The following SNAP91 variants were observed in gnomAD, a reference collection of about 807,000 sequenced individuals.
SNAP91 encodes the protein synaptosome associated protein 91, also known as clathrin coat assembly protein AP180.
SNAP91 carries 27 observed loss-of-function variants against 100.3 expected under a neutral mutation model. The ratio of observed to expected loss-of-function variants is 0.27; its 90% confidence interval spans 0.20 to 0.37. The LOEUF (loss-of-function observed/expected upper bound fraction) is 0.37. Ranked by LOEUF, SNAP91 falls within the 10% of genes least tolerant of loss-of-function variation. The pLI, the probability that SNAP91 is intolerant of heterozygous loss-of-function variation, is 1.00. For missense variants in SNAP91, 986 were observed against 1,123.7 expected, an observed-to-expected ratio of 0.88 and a Z score of 1.75; for synonymous variants, 404 against 398.6, an observed-to-expected ratio of 1.01 and a Z score of -0.16.
At chr6:83,555,667 A>G (rs1293508570) in intron 29 of SNAP91, among the ~76,000 whole-genome samples, 1 of 152,216 alleles carries the variant, frequency 6.6e-6, no homozygotes, top group Non-Finnish European at 1.5e-5. Flanking sequence ...AGAACATTAG[A>G]AATTTAAAAC....
chr6:83,619,459 C>T (rs2096626626), intron 9 of SNAP91, among the ~76,000 whole-genome samples: 2 of 152,170 alleles, frequency 1.3e-5, no homozygotes, highest in Non-Finnish European at 2.9e-5. Flanking sequence ...GAGAATGCCT[C>T]TGCTGTTGTA....
At chr6:83,620,421 AC>A (rs945292063) in intron 9 of SNAP91, among the ~76,000 whole-genome samples, 2 of 152,196 alleles carry the variant, frequency 1.3e-5, no homozygotes, top group African/African-American at 4.8e-5. Flanking sequence ...GGTACTTCGG[AC>A]CCATCTGCAG....
At chr6:83,626,246 G>A (rs1271821217) in intron 8 of SNAP91, among the ~76,000 whole-genome samples, 1 of 152,076 alleles carries the variant, frequency 6.6e-6, no homozygotes, top group Non-Finnish European at 1.5e-5. Context: ...GTATCATGCT[G>A]TTTTGGTTAC....
intron 22 of SNAP91, among the ~76,000 whole-genome samples, chr6:83,586,873 G>T (rs1243462353): frequency 7.1e-6 from 1 of 140,694 alleles, no homozygotes; most frequent in Non-Finnish European, 1.5e-5. Flanking sequence ...TGGCCTCTTT[G>T]GAAGTTGTCC....
intron 7 of SNAP91, among the ~76,000 whole-genome samples, chr6:83,653,476 A>G (rs2098284362): frequency 6.6e-6 from 1 of 152,074 alleles, no homozygotes; most frequent in African/African-American, 2.4e-5. Flanking sequence ...GTTCTTTTTT[A>G]GGATTTCCAT....
In SNAP91 at chr6:83,593,480, C is replaced by G. The variant is rs1299227276; in HGVS notation, c.1694G>C (p.Gly565Ala). 6.4e-7 allele frequency: 1 copy of G among 1,550,396 alleles called. No individual in the cohort carries two copies. The highest frequency in any genetic ancestry group is 2.0e-5 in the Admixed American group (1 of 50,974). Reference protein sequence around the residue: ...TTAPPALDIFGDLFESTPEVA... With the variant: ...TTAPPALDIFADLFESTPEVA... ...CGACAACAATAACAAAAAATTACCA[C>G]CAAAGATATCTAGAGCAGGAGGAGC... Residue 565 changes from glycine (G) to alanine (A), a missense_variant and splice_region_variant, in exon 18 of 30, where the codon GGT becomes GCT. Around this residue, in one of 4 missense-constraint regions of SNAP91, gnomAD observed 575 missense variants for 579.9 expected, o/e 0.99. Transcript: ENST00000369694.
intron 7 of SNAP91, among the ~76,000 whole-genome samples, chr6:83,647,569 T>A (rs543789662): frequency 1.3e-5 from 2 of 152,292 alleles, no homozygotes; most frequent in South Asian, 4.1e-4. Flanking sequence ...TTTTATACAT[T>A]GTTGGATTTA....
At chr6:83,612,004 A>G (rs1388400732) in intron 11 of SNAP91, among the ~76,000 whole-genome samples, 1 of 150,972 alleles carries the variant, frequency 6.6e-6, no homozygotes, top group African/African-American at 2.4e-5. Context: ...TACAGGCATG[A>G]GCCACCGCGC....
At chr6:83,570,826 G>A (rs1806029102) in intron 26 of SNAP91, among the ~76,000 whole-genome samples, 2 of 152,206 alleles carry the variant, frequency 1.3e-5, no homozygotes, top group Non-Finnish European at 2.9e-5. Flanking sequence ...GAAGTTTGCT[G>A]CAGGGGCAGG....
intron 10 of SNAP91, among the ~76,000 whole-genome samples, chr6:83,616,025 G>T (rs1037150464): frequency 6.6e-6 from 1 of 152,134 alleles, no homozygotes; most frequent in African/African-American, 2.4e-5. Context: ...CCCTGTAGAG[G>T]ACATACATTA....
At chr6:83,702,450 T>C (rs1428938695) in intron 2 of SNAP91, among the ~76,000 whole-genome samples, 4 of 152,156 alleles carry the variant, frequency 2.6e-5, no homozygotes, top group African/African-American at 7.2e-5. Flanking sequence ...AGTACACAGA[T>C]TAAATTACAA....
At chr6:83,698,578 A>T (rs2099252537) in intron 2 of SNAP91, among the ~76,000 whole-genome samples, 1 of 152,172 alleles carries the variant, frequency 6.6e-6, no homozygotes, top group Admixed American at 6.5e-5. Flanking sequence ...AAAACAAAAA[A>T]GAATACCTCT....
intron 22 of SNAP91, among the ~76,000 whole-genome samples, chr6:83,586,386 T>C (rs535935356): frequency 1.8e-4 from 27 of 152,340 alleles, no homozygotes; most frequent in Non-Finnish European, 3.7e-4. Flanking sequence ...TATAGTCCCT[T>C]GTCTTTGCAA....
intron 11 of SNAP91, among the ~76,000 whole-genome samples, chr6:83,611,172 G>A (rs540342262): frequency 1.6e-4 from 24 of 151,914 alleles, no homozygotes; most frequent in African/African-American, 4.3e-4. Flanking sequence ...AATATGTCTC[G>A]GCTTCCATAT....
chr6:83,650,507 C>T (rs532017335), intron 7 of SNAP91, among the ~76,000 whole-genome samples: 15 of 152,298 alleles, frequency 9.8e-5, no homozygotes, highest in African/African-American at 3.6e-4. Flanking sequence ...CAACCTCCAC[C>T]TCCTGGTTCA....
intron 2 of SNAP91, among the ~76,000 whole-genome samples, chr6:83,697,166 C>T (rs573256330): frequency 1.2e-4 from 18 of 152,114 alleles, no homozygotes; most frequent in Admixed American, 1.0e-3. Flanking sequence ...TTAGTGAATA[C>T]TATCATTTCA....
At chr6:83,694,994 G>A (rs758187339) in intron 2 of SNAP91, among the ~76,000 whole-genome samples, 4 of 152,064 alleles carry the variant, frequency 2.6e-5, no homozygotes, top group South Asian at 2.1e-4. Flanking sequence ...CTGTGGGGCC[G>A]GGTGCAATGG....
chr6:83,708,256 T>C, intron 1 of SNAP91: 1 of 274,736 alleles, frequency 3.6e-6, no homozygotes, highest in Non-Finnish European at 6.7e-6. Flanking sequence ...GGGACCCCCC[T>C]GTCAATCAGC....
chr6:83,676,436 G>A (rs2098900323), intron 2 of SNAP91, among the ~76,000 whole-genome samples: 1 of 152,216 alleles, frequency 6.6e-6, no homozygotes, highest in South Asian at 2.1e-4. Flanking sequence ...TGGTCTAAAT[G>A]TAGTGAGAAA....
Sources: allele counts gnomAD v4.1 joint callset (sites outside exome capture counted in the v4.1 genomes callset), GRCh38; gene constraint gnomAD v4.1.1; regional missense constraint gnomAD v4.1.1; transcripts MANE v1.5; gene names NCBI Gene and HGNC (gene_info 2026-07-23, HGNC 2026-07-21).